DNM3: variants seen among roughly 807,000 people sequenced by gnomAD.
DNM3 encodes the protein dynamin-3.
DNM3 carries 47 observed loss-of-function variants against 101.6 expected under a neutral mutation model. The ratio of observed to expected loss-of-function variants is 0.46; its 90% CI spans 0.37 to 0.59. The LOEUF (loss-of-function observed/expected upper bound fraction) is 0.59, where lower values mean the gene tolerates loss of function less well. DNM3 is among the 20% of genes least tolerant of loss of function. The pLI, the probability that DNM3 is intolerant of heterozygous loss-of-function variation, is 0.00. For synonymous variants in DNM3, 385 were observed against 387.9 expected (o/e 0.99, Z 0.09); for missense variants, 849 against 1,085.7 (o/e 0.78, Z 3.06).
chr1:172,003,955 T>G (rs1322339618), intron 4 of DNM3, among the ~76,000 whole-genome samples: 1 of 151,948 alleles, frequency 6.6e-6, no homozygotes, highest in East Asian at 1.9e-4. Flanking sequence ...CCAAGCTTAG[T>G]GGTTGTGTAA....
intron 17 of DNM3, among the ~76,000 whole-genome samples, chr1:172,327,095 A>G (rs2065967304): frequency 6.6e-6 from 1 of 152,174 alleles, no homozygotes; most frequent in African/African-American, 2.4e-5. Flanking sequence ...GGTTAAAAGC[A>G]AAAATTTTAT....
At chr1:172,316,930 A>C (rs918366840) in intron 16 of DNM3, among the ~76,000 whole-genome samples, 3 of 152,208 alleles carry the variant, frequency 2.0e-5, no homozygotes, top group African/African-American at 7.2e-5. Context: ...AATCAATAGA[A>C]TATACATTTT....
intron 15 of DNM3, among the ~76,000 whole-genome samples, chr1:172,292,623 A>ACACACGCG: frequency 6.8e-6 from 1 of 147,870 alleles, no homozygotes; most frequent in Non-Finnish European, 1.5e-5. Context: ...ACACACACAC[A>ACACACGCG]CGCGCGTGCG....
chr1:171,847,886 C>CTGTGTGTGTG (rs1375579938), intron 1 of DNM3, among the ~76,000 whole-genome samples: 1 of 50,910 alleles, frequency 2.0e-5, no homozygotes, highest in African/African-American at 7.6e-5. Context: ...ATTACTCTCT[C>CTGTGTGTGTG]TCTCTCTCTC....
Position 172,395,977 on chromosome 1 carries a change from C to T in DNM3, c.2522+7168C>T, listed in dbSNP as rs534162450. Among the ~76,000 whole-genome samples, 28 of 152,340 alleles carry T rather than the reference C, an allele frequency of 1.8e-4. No homozygotes were observed. In the South Asian group the frequency reaches 5.8e-3, roughly 32 times the overall value. ...ATCAAGTTTAGATCCCATGGCAACTCTGACCAAGAAAGAATTCCTACACAA... is the reference window on the plus strand; with the variant it reads ...ATCAAGTTTAGATCCCATGGCAACTTTGACCAAGAAAGAATTCCTACACAA... On this transcript the variant is annotated intron_variant, in intron 20 of 20. Transcript: ENST00000627582.
intron 1 of DNM3, among the ~76,000 whole-genome samples, chr1:171,883,896 A>T (rs1393028474): frequency 6.6e-6 from 1 of 152,244 alleles, no homozygotes; most frequent in Admixed American, 6.5e-5. Flanking sequence ...AACATTTCCC[A>T]GTCTGATTTT....
In DNM3 at chr1:172,289,650, A is replaced by G. The variant is rs1020343800; in HGVS notation, c.1770-19078A>G. 14 of 983,334 alleles carry G rather than the reference A, an allele frequency of 1.4e-5. No homozygotes were observed. The South Asian group carries it at 3.8e-4, about 26-fold the overall frequency. The allele number at this position is 983,334 out of a possible 1,614,324, so 60.9% of individuals were successfully genotyped here. On this transcript the variant is annotated intron_variant, in intron 15 of 20. Transcript: ENST00000627582. ...CAACTTGCTCAATTTAATGCTGACA[A>G]TCTATTTTTTGTTTCTTTTTAATAA...
chr1:172,124,253 C>A (rs2056491637), intron 13 of DNM3, among the ~76,000 whole-genome samples: 1 of 152,116 alleles, frequency 6.6e-6, no homozygotes. Context: ...TCAAGAATTA[C>A]ATTCCCAAAG....
At chr1:172,414,088 T>G (rs979101402), downstream of DNM3, among the ~76,000 whole-genome samples, 4 of 152,244 alleles carry the variant, frequency 2.6e-5, no homozygotes, top group Non-Finnish European at 5.9e-5. Flanking sequence ...AAACATATGC[T>G]CAATCTGTTT....
At chr1:171,883,019 T>A (rs917205142) in intron 1 of DNM3, among the ~76,000 whole-genome samples, 2 of 151,778 alleles carry the variant, frequency 1.3e-5, no homozygotes, top group African/African-American at 2.4e-5. Context: ...TGTATACATA[T>A]TAATATGTAT....
chr1:172,406,840 G>GA (rs2070927980), intron 20 of DNM3, among the ~76,000 whole-genome samples: 1 of 151,724 alleles, frequency 6.6e-6, no homozygotes, highest in Admixed American at 6.6e-5. Context: ...GAGTCTTTCT[G>GA]AAAAAATCAG....
chr1:171,876,596 C>T (rs141643910), intron 1 of DNM3, among the ~76,000 whole-genome samples: 1 of 152,256 alleles, frequency 6.6e-6, no homozygotes, highest in Admixed American at 6.5e-5. Flanking sequence ...TCCAGGCTAA[C>T]CTCCAAGTGG....
chr1:172,221,123 G>A (rs551740817), intron 14 of DNM3, among the ~76,000 whole-genome samples: 4 of 151,952 alleles, frequency 2.6e-5, no homozygotes, highest in South Asian at 2.1e-4. Context: ...GAACTCAGAC[G>A]CAGTATTCAA....
chr1:172,248,761 T>C (rs1201669834), intron 14 of DNM3, among the ~76,000 whole-genome samples: 1 of 152,174 alleles, frequency 6.6e-6, no homozygotes, highest in Non-Finnish European at 1.5e-5. Context: ...GTTTTCTTCA[T>C]AGAATTTTTA....
chr1:172,154,704 T>C (rs1572749654), intron 14 of DNM3, among the ~76,000 whole-genome samples: 1 of 152,102 alleles, frequency 6.6e-6, no homozygotes, highest in East Asian at 1.9e-4. Flanking sequence ...AGAAAATGTG[T>C]TGAGTCTTCT....
intron 1 of DNM3, among the ~76,000 whole-genome samples, chr1:171,896,000 C>G (rs539872899): frequency 7.2e-5 from 11 of 151,882 alleles, no homozygotes; most frequent in Admixed American, 2.0e-4. Context: ...TGATCTATAT[C>G]TCTGTTTTGG....
chr1:171,856,507 A>G (rs1401632441), intron 1 of DNM3, among the ~76,000 whole-genome samples: 4 of 152,188 alleles, frequency 2.6e-5, no homozygotes, highest in Non-Finnish European at 5.9e-5. Context: ...ATCCATAAGC[A>G]TGGGATGTTT....
chr1:172,308,214 T>C (rs1333358047), intron 15 of DNM3, among the ~76,000 whole-genome samples: 2 of 152,202 alleles, frequency 1.3e-5, no homozygotes, highest in Non-Finnish European at 2.9e-5. Flanking sequence ...ATGCACTTCA[T>C]TGGCATCTCA....
chr1:172,091,759 G>A (rs1293501624), intron 12 of DNM3, among the ~76,000 whole-genome samples: 1 of 152,156 alleles, frequency 6.6e-6, no homozygotes, highest in East Asian at 1.9e-4. Context: ...GAGCAGAAGA[G>A]TTAACATAGT....
Sources: gnomAD v4.1 joint callset for allele counts (sites outside exome capture counted in the v4.1 genomes callset) on GRCh38, gnomAD v4.1.1 for gene constraint, MANE v1.5 for transcripts, NCBI Gene and HGNC (gene_info 2026-07-23, HGNC 2026-07-21) for gene names.